Variants in SMYD3 observed in about 807,000 individuals in gnomAD.
SMYD3 encodes SET and MYND domain containing 3.
SMYD3 carries 36 observed loss-of-function variants against 57.7 expected under a neutral mutation model. That is an observed-to-expected ratio of 0.62 (90% CI 0.48 to 0.82). The LOEUF (loss-of-function observed/expected upper bound fraction) is 0.82, where lower values mean the gene tolerates loss of function less well. Among genes scored for constraint, SMYD3 ranks in the 40% least tolerant of loss-of-function variants. The probability of loss-of-function intolerance (pLI) is 0.00; values close to 1 mark genes in which losing one functional copy is unlikely to be tolerated. For missense variants in SMYD3, 515 were observed against 538.8 expected (o/e 0.96, Z 0.44); for synonymous variants, 211 against 195.0 (o/e 1.08, Z -0.68).
chr1:246,011,768 T>G (rs2059286222), intron 5 of SMYD3, among the ~76,000 whole-genome samples: 1 of 152,234 alleles, frequency 6.6e-6, no homozygotes, highest in African/African-American at 2.4e-5. Flanking sequence ...CACTGAAATC[T>G]GCATGATCAC....
At chr1:246,246,551 T>C (rs1186455478) in intron 5 of SMYD3, among the ~76,000 whole-genome samples, 2 of 152,170 alleles carry the variant, frequency 1.3e-5, no homozygotes, top group Non-Finnish European at 2.9e-5. Context: ...TATTCTGGGT[T>C]ATGTATGCAT....
At chr1:246,247,155 G>T (rs920739694) in intron 5 of SMYD3, among the ~76,000 whole-genome samples, 1 of 152,076 alleles carries the variant, frequency 6.6e-6, no homozygotes, top group Admixed American at 6.6e-5. Context: ...TCTGCACTGA[G>T]ACCCAGAGGA....
chr1:245,999,604 A>AAAAGAAAG (rs35490636), intron 5 of SMYD3, among the ~76,000 whole-genome samples: 1 of 151,804 alleles, frequency 6.6e-6, no homozygotes, highest in African/African-American at 2.4e-5. Context: ...AAAAAAGAAA[A>AAAAGAAAG]AAAGAAAGAA....
rs1398667802 is a variant in SMYD3 at position 245,928,126 on chromosome 1, G to A, written c.600-93C>T. On this transcript the variant is annotated intron_variant, in intron 6 of 11. Transcript: ENST00000490107. The stretch of plus-strand genomic sequence containing the variant: ...AGTGGGTAAAATACACCTTCCTTTG[G>A]GGGGCAGCAGCAGGTAGGGTTGACA... The A allele has an allele frequency of 6.4e-6, 6 of 931,986 alleles. No individual in the cohort carries two copies. In the Admixed American group the frequency reaches 1.0e-4, roughly 16 times the overall value. 57.7% of individuals were successfully genotyped at this position (931,986 alleles called of 1,614,324 possible).
At chr1:246,304,839 A>G (rs1295368405) in intron 5 of SMYD3, among the ~76,000 whole-genome samples, 1 of 152,050 alleles carries the variant, frequency 6.6e-6, no homozygotes, top group Non-Finnish European at 1.5e-5. Context: ...CCCATGATAA[A>G]CCTCTGTGGG....
At chr1:245,768,995 A>G (rs1225382361) in intron 10 of SMYD3, among the ~76,000 whole-genome samples, 2 of 152,348 alleles carry the variant, frequency 1.3e-5, no homozygotes, top group Non-Finnish European at 2.9e-5. Context: ...GATGCAAAAC[A>G]TATTACTGAA....
chr1:246,010,928 T>A (rs923930787), intron 5 of SMYD3, among the ~76,000 whole-genome samples: 1 of 152,224 alleles, frequency 6.6e-6, no homozygotes, highest in Non-Finnish European at 1.5e-5. Flanking sequence ...AAAACTTGGA[T>A]ACTTTCTTAC....
At chr1:246,242,568 T>C (rs1225607958) in intron 5 of SMYD3, among the ~76,000 whole-genome samples, 1 of 152,140 alleles carries the variant, frequency 6.6e-6, no homozygotes, top group Admixed American at 6.6e-5. Flanking sequence ...GCTAACATCA[T>C]AATGACAGGA....
chr1:246,450,349 G>A (rs2067614703), intron 1 of SMYD3, among the ~76,000 whole-genome samples: 4 of 151,482 alleles, frequency 2.6e-5, no homozygotes, highest in African/African-American at 9.7e-5. Context: ...CAAAGACTGA[G>A]TTTCAACTGA....
At chr1:246,421,418 G>A (rs1366472209) in intron 1 of SMYD3, among the ~76,000 whole-genome samples, 1 of 151,956 alleles carries the variant, frequency 6.6e-6, no homozygotes, top group African/African-American at 2.4e-5. Flanking sequence ...ATTAAAGGCA[G>A]TAAAATGTAA....
At chr1:246,168,307 C>T (rs10924528) in intron 5 of SMYD3, among the ~76,000 whole-genome samples, 3,740 of 152,204 alleles carry the variant, frequency 0.025, 205 homozygotes, top group East Asian at 0.22. Flanking sequence ...GAAAAATGCA[C>T]GAACCTCTCC....
intron 5 of SMYD3, among the ~76,000 whole-genome samples, chr1:246,177,596 T>C (rs1250029959): frequency 6.6e-6 from 1 of 152,106 alleles, no homozygotes; most frequent in Non-Finnish European, 1.5e-5. Flanking sequence ...GGTAGGTATA[T>C]TAAATGAGCA....
rs1433027419 is a variant in SMYD3, at chr1:246,429,767, G to A, written c.165-74673C>T. On this transcript the variant is annotated intron_variant, in intron 1 of 11. Coordinates refer to ENST00000490107, the MANE Select transcript of SMYD3 (RefSeq NM_001167740.2). ...TACAAGGGAAAATGTCTTAACTCCT[G>A]CCTCAAGGATATGACTGGCAAGTAC... Among the ~76,000 whole-genome samples, 3 of 152,134 alleles carry A rather than the reference G, an allele frequency of 2.0e-5. No individual in the cohort carries two copies. The East Asian group carries it at 5.8e-4, about 29-fold the overall frequency.
chr1:246,257,111 G>A (rs1328745293), intron 5 of SMYD3, among the ~76,000 whole-genome samples: 1 of 152,196 alleles, frequency 6.6e-6, no homozygotes, highest in African/African-American at 2.4e-5. Flanking sequence ...TGTTCCAGGT[G>A]CAGATGAGAA....
chr1:246,043,958 G>A (rs186302585), intron 5 of SMYD3, among the ~76,000 whole-genome samples: 15 of 152,224 alleles, frequency 9.9e-5, no homozygotes, highest in African/African-American at 3.4e-4. Flanking sequence ...TTCACCTTTA[G>A]GAATATTCAG....
At chr1:246,167,361 ACACTGTACATTCCTATCAG>A (rs2062234058) in intron 5 of SMYD3, among the ~76,000 whole-genome samples, 1 of 152,130 alleles carries the variant, frequency 6.6e-6, no homozygotes, top group South Asian at 2.1e-4. Context: ...AGTGGCTACC[ACACTGTACATTCCTATCAG>A]CAATGTACAG....
At chr1:246,240,065 C>A (rs1272546828) in intron 5 of SMYD3, among the ~76,000 whole-genome samples, 1 of 152,116 alleles carries the variant, frequency 6.6e-6, no homozygotes, top group Non-Finnish European at 1.5e-5. Flanking sequence ...ATAGTAGGTT[C>A]TTTTGCTATG....
chr1:245,790,936 C>T (rs1016841645), intron 10 of SMYD3, among the ~76,000 whole-genome samples: 14 of 152,120 alleles, frequency 9.2e-5, no homozygotes, highest in African/African-American at 2.2e-4. Context: ...TTACATTTAC[C>T]TCAAAGCCCA....
chr1:246,507,041 G>C lies in SMYD3; in HGVS notation c.164+13C>G. The C allele has an allele frequency of 6.8e-7, 1 of 1,474,430 alleles. No homozygotes were observed. 91.3% of individuals were successfully genotyped at this position (1,474,430 alleles called of 1,614,324 possible). A position where few individuals can be genotyped will look rare whatever the true frequency, so the allele number is the denominator to read the frequency against. ...GCTCGCGACTCAGGTAGGCGAGGGCGCTCCTTACGCACCCGAGAAGGCAGC... is the reference window on the plus strand; with the variant it reads ...GCTCGCGACTCAGGTAGGCGAGGGCCCTCCTTACGCACCCGAGAAGGCAGC... On this transcript the variant is annotated intron_variant, in intron 1 of 11. Transcript: ENST00000490107.
Sources: allele counts gnomAD v4.1 joint callset (sites outside exome capture counted in the v4.1 genomes callset), GRCh38; gene constraint gnomAD v4.1.1; transcripts MANE v1.5; gene names NCBI Gene and HGNC (gene_info 2026-07-23, HGNC 2026-07-21).